Variants in KDM4A observed in about 807,000 individuals in gnomAD.
KDM4A encodes lysine demethylase 4A.
In KDM4A, 23 loss-of-function variants were observed where a neutral mutation model predicts 127.1. The ratio of observed to expected loss-of-function variants is 0.18; its 90% CI spans 0.13 to 0.26. The LOEUF is 0.26. Among genes scored for constraint, KDM4A ranks in the 10% least tolerant of loss-of-function variants. The probability of loss-of-function intolerance (pLI) is 1.00; values close to 1 mark genes in which losing one functional copy is unlikely to be tolerated. For missense variants in KDM4A, 890 were observed against 1,329.1 expected, an observed-to-expected ratio of 0.67 and a Z score of 5.14; for synonymous variants, 443 against 466.5, an observed-to-expected ratio of 0.95 and a Z score of 0.65.
intron 2 of KDM4A, 132 bp downstream of exon 2, chr1:43,653,445 A>G (rs969341275): frequency 3.9e-5 from 30 of 773,644 alleles, no homozygotes; most frequent in African/African-American, 1.8e-5. Context: ...ATGCGGTTCT[A>G]TTTGCAAGTT....
rs372869599 is a variant in KDM4A at position 43,690,808 on chromosome 1, G to A, written c.2038-37G>A. 240 of 1,586,114 alleles carry A rather than the reference G, an allele frequency of 1.5e-4. 1 individual carries two copies. The highest frequency in any genetic ancestry group is 1.2e-3 in the South Asian group (105 of 90,522). ...GGTGGAAAGCTAAGAGCATAGGCAC[G>A]TGCTCACTGAGGTGTACACTTGTTC... On this transcript the variant is annotated intron_variant, in intron 13 of 21. Coordinates refer to ENST00000372396, the MANE Select transcript of KDM4A (RefSeq NM_014663.3).
In KDM4A at chr1:43,703,625, C is replaced by G; in HGVS notation, c.2850C>G (p.Asp950Glu). The G allele has an allele frequency of 5.0e-6, 8 of 1,614,032 alleles. No homozygotes were observed. The highest frequency in any genetic ancestry group is 6.8e-6 in the Non-Finnish European group (8 of 1,179,948). The change falls in exon 20 of 22, where the codon GAC becomes GAG. Residue 950 changes from aspartate (D) to glutamate (E), a missense_variant. Physicochemically the swap from Asp to Glu is conservative, Grantham distance 45. This residue lies in a region of KDM4A where 246 missense variants were observed against 418.4 expected (regional missense o/e 0.59). Coordinates refer to ENST00000372396, the MANE Select transcript of KDM4A (RefSeq NM_014663.3). Reference sequence around the variant, plus strand: ...CCTTCCTGTTTCCTCAGAGCCAGGACTGTCTCCAGTTTGGTCCTCCTGCTG... The same window carrying G: ...CCTTCCTGTTTCCTCAGAGCCAGGAGTGTCTCCAGTTTGGTCCTCCTGCTG... ...NLYPEDIVSQ[D>E]CLQFGPPAEG...
At chr1:43,674,314 CAG>C (rs1217947085) in intron 11 of KDM4A, among the ~76,000 whole-genome samples, 2 of 152,120 alleles carry the variant, frequency 1.3e-5, no homozygotes, top group East Asian at 3.9e-4. Flanking sequence ...AATCTTATTA[CAG>C]AGTCAAGTTT....
intron 10 of KDM4A, among the ~76,000 whole-genome samples, 155 bp downstream of exon 10, chr1:43,669,454 G>T (rs1451481327): frequency 1.3e-5 from 2 of 152,166 alleles, no homozygotes; most frequent in African/African-American, 2.4e-5. Context: ...TTTGGGTAGG[G>T]ATGTACAGGG....
At chr1:43,656,078 A>G (rs1660229574) in intron 3 of KDM4A, among the ~76,000 whole-genome samples, 1 of 152,140 alleles carries the variant, frequency 6.6e-6, no homozygotes, top group South Asian at 2.1e-4. Flanking sequence ...GCTGGGTATT[A>G]TCAACCACCT....
chr1:43,702,775 A>C (rs1038865451), intron 19 of KDM4A: 2 of 152,110 alleles, frequency 1.3e-5, no homozygotes, highest in African/African-American at 4.8e-5. Flanking sequence ...TCATGCCTGT[A>C]ATCCCACCAC....
chr1:43,668,072 G>T lies in KDM4A; in HGVS notation c.1163+53G>T. 1.9e-6 allele frequency: 3 copies of T among 1,602,224 alleles called. No homozygotes were observed. In the South Asian group the frequency reaches 3.3e-5, roughly 18 times the overall value. ...TGCGTGAGGGAGGGATGTCTGGGTA[G>T]GTCCTGTAATCTGTGGAGAGGCTGT... On this transcript the variant is annotated intron_variant, in intron 9 of 21. Coordinates refer to ENST00000372396, the MANE Select transcript of KDM4A (RefSeq NM_014663.3).
chr1:43,699,096 T>A (rs558750990), intron 19 of KDM4A, among the ~76,000 whole-genome samples: 2,263 of 150,198 alleles, frequency 0.015, 56 homozygotes, highest in African/African-American at 0.048. Flanking sequence ...GCCTTATTTT[T>A]TTTTTTTTTT....
At chr1:43,665,239 C>A (rs895577229) in intron 5 of KDM4A, among the ~76,000 whole-genome samples, 2 of 152,126 alleles carry the variant, frequency 1.3e-5, no homozygotes, top group African/African-American at 4.8e-5. Flanking sequence ...GGGGCTAGGT[C>A]TCTTAAGTGT....
At chr1:43,662,873 G>T (rs372843933) in intron 4 of KDM4A, 21 bp from the exon 5 acceptor site, 197 of 1,588,386 alleles carry the variant, frequency 1.2e-4, no homozygotes, top group Non-Finnish European at 1.6e-4. Flanking sequence ...AACTTGCCCT[G>T]GACTGTCATT....
chr1:43,693,940 G>A lies in KDM4A; in HGVS notation c.2376-54G>A, dbSNP rs773756889. 88 of 1,476,948 alleles carry A rather than the reference G, an allele frequency of 6.0e-5. No homozygotes were observed. Among genetic ancestry groups the A allele is most frequent in the Non-Finnish European group, 8.0e-5 (85 of 1,058,972 alleles). 91.5% of individuals were successfully genotyped at this position (1,476,948 alleles called of 1,614,324 possible). On this transcript the variant is annotated intron_variant, in intron 16 of 21. Coordinates refer to ENST00000372396, the MANE Select transcript of KDM4A (RefSeq NM_014663.3). This position sits in a 1 kb window ranked among gnomAD's most constrained non-coding sequence, Gnocchi z 4.2. Reference sequence around the variant, plus strand: ...CGCTGTCAGCAGGCCCAAAAGAGAAGGCCACAGAGCCTTGGGCCCAGAGGT... The same window carrying A: ...CGCTGTCAGCAGGCCCAAAAGAGAAAGCCACAGAGCCTTGGGCCCAGAGGT...
At chr1:43,698,936 G>A (rs1239421593) in intron 19 of KDM4A, among the ~76,000 whole-genome samples, 4 of 151,378 alleles carry the variant, frequency 2.6e-5, no homozygotes, top group African/African-American at 7.3e-5. Flanking sequence ...CTACAGGAAC[G>A]CACCACCACA....
At chr1:43,686,494 G>A (rs1204651131) in intron 12 of KDM4A, among the ~76,000 whole-genome samples, 5 of 151,874 alleles carry the variant, frequency 3.3e-5, no homozygotes. Flanking sequence ...GTGCTACGAC[G>A]CCCAGCTAAT....
intron 19 of KDM4A, among the ~76,000 whole-genome samples, chr1:43,698,349 T>C (rs1018649303): frequency 6.6e-5 from 10 of 152,248 alleles, no homozygotes; most frequent in African/African-American, 2.4e-4. Context: ...ACCAGCTTCA[T>C]TGCCTAGTAG....
rs758462057 is a variant in KDM4A at position 43,671,708 on chromosome 1, T to C, written c.1567T>C (p.Ser523Pro). Residue 523 changes from serine (S) to proline (P), a missense_variant, in exon 11 of 22, where the codon TCT (serine) becomes CCT (proline). Ser to Pro is a moderately conservative substitution (Grantham distance 74, BLOSUM62 -1). Around this residue, in one of 7 missense-constraint regions of KDM4A, gnomAD observed 389 missense variants for 485.9 expected, o/e 0.80. Coordinates refer to ENST00000372396, the MANE Select transcript of KDM4A (RefSeq NM_014663.3). ...TGGCTCTTCACGGGATTCTATCTCT[T>C]CTGATTCAGAAACTAGTGAGCCTCT... ...GSGSSRDSIS[S>P]DSETSEPLSC... 1.1e-5 allele frequency: 18 copies of C among 1,613,584 alleles called. No homozygotes were observed. In the Admixed American group the frequency reaches 3.0e-4, roughly 27 times the overall value.
chr1:43,688,871 G>GTGCAGGGTTAGTGCTGACTCA lies in KDM4A; in HGVS notation c.1856-42_1856-22dup, dbSNP rs751959409. On this transcript the variant is annotated intron_variant, in intron 12 of 21. Coordinates refer to ENST00000372396, the MANE Select transcript of KDM4A (RefSeq NM_014663.3). The surrounding 1 kb of genome is among the most constrained non-coding windows in gnomAD (Gnocchi z 4.4). The stretch of plus-strand genomic sequence containing the variant: ...CTGTTCTCCAGGCAGAGCCACAGAT[G>GTGCAGGGTTAGTGCTGACTCA]TGCAGGGTTAGTGCTGACTCACACT... 3.1e-5 allele frequency: 48 copies of GTGCAGGGTTAGTGCTGACTCA among 1,573,324 alleles called. No homozygotes were observed. The highest frequency in any genetic ancestry group is 4.0e-5 in the Non-Finnish European group (46 of 1,147,986).
intron 1 of KDM4A, among the ~76,000 whole-genome samples, chr1:43,651,101 C>T (rs1257400852): frequency 6.6e-6 from 1 of 152,242 alleles, no homozygotes; most frequent in Non-Finnish European, 1.5e-5. Flanking sequence ...TGATGAAGCC[C>T]ATTAGGGCCC....
intron 19 of KDM4A, among the ~76,000 whole-genome samples, chr1:43,698,483 C>T (rs924192351): frequency 3.3e-5 from 5 of 152,160 alleles, no homozygotes; most frequent in African/African-American, 1.2e-4. Context: ...CCTGGAGACA[C>T]CCTTGGCCTG....
intron 2 of KDM4A, 136 bp from the exon 3 acceptor site, chr1:43,655,455 T>G: frequency 1.4e-6 from 1 of 731,618 alleles, no homozygotes; most frequent in Non-Finnish European, 2.2e-6. Context: ...TTACTGTGTT[T>G]TGGTGAATGT....
Sources: allele counts gnomAD v4.1 joint callset (sites outside exome capture counted in the v4.1 genomes callset), GRCh38; gene constraint gnomAD v4.1.1; regional missense constraint gnomAD v4.1.1; non-coding constraint Gnocchi (gnomAD v3.1); transcripts MANE v1.5; gene names NCBI Gene and HGNC (gene_info 2026-07-23, HGNC 2026-07-21).